Variants in PEAK1 observed in about 807,000 individuals in gnomAD.
The protein encoded by PEAK1 is pseudopodium enriched atypical kinase 1, also known as inactive tyrosine-protein kinase PEAK1.
In PEAK1, 54 loss-of-function variants were observed where a neutral mutation model predicts 124.7. The ratio of observed to expected loss-of-function variants is 0.43; its 90% confidence interval spans 0.35 to 0.54. PEAK1 has a LOEUF of 0.54. PEAK1 is among the 20% of genes least tolerant of loss of function. The pLI is 0.01. For missense variants in PEAK1, 2,046 were observed against 2,134.5 expected (o/e 0.96, Z 0.82); for synonymous variants, 719 against 760.0 (o/e 0.95, Z 0.89).
At chr15:77,156,222 T>A (rs2055133119) in intron 8 of PEAK1, 1 of 155,138 alleles carries the variant, frequency 6.4e-6, no homozygotes. Context: ...TCCCCCAGCC[T>A]CGGTGCTGCA....
At position 77,368,781 on chromosome 15, in the gene PEAK1, A is replaced by G. The variant is rs897918804; in HGVS notation, c.-665-3556T>C. Among the ~76,000 whole-genome samples, 11 of 152,308 alleles carry G rather than the reference A, an allele frequency of 7.2e-5. No homozygotes were observed. The East Asian group carries it at 2.1e-3, about 29-fold the overall frequency. ...TCAGCAGTGAGTGTAGCAATTCAAG[A>G]TACTGGGGACAAGGGATTACGACTA... On this transcript the variant is annotated intron_variant, in intron 1 of 9. Coordinates refer to ENST00000682557, the MANE Select transcript of PEAK1 (RefSeq NM_001385026.1).
chr15:77,123,617 A>C (rs2052113960), intron 9 of PEAK1, among the ~76,000 whole-genome samples: 1 of 152,158 alleles, frequency 6.6e-6, no homozygotes, highest in Non-Finnish European at 1.5e-5. Flanking sequence ...CTATGAGGAT[A>C]TGAGGGATTA....
At chr15:77,402,469 T>C (rs1225958709) in intron 1 of PEAK1, 94 of 983,162 alleles carry the variant, frequency 9.6e-5, no homozygotes, top group Non-Finnish European at 1.1e-4. Flanking sequence ...TAATGTGCCA[T>C]ATTTTCTCAA....
intron 7 of PEAK1, among the ~76,000 whole-genome samples, chr15:77,169,893 C>G (rs1373124932): frequency 1.3e-5 from 2 of 152,002 alleles, no homozygotes; most frequent in East Asian, 3.9e-4. Flanking sequence ...TGTGATGGAA[C>G]AGATTTGTAG....
At chr15:77,228,094 T>A (rs989846029) in intron 6 of PEAK1, among the ~76,000 whole-genome samples, 1 of 152,006 alleles carries the variant, frequency 6.6e-6, no homozygotes, top group Non-Finnish European at 1.5e-5. Flanking sequence ...ATTTTACTAC[T>A]TTTTTATTAT....
At chr15:77,405,929 T>C (rs970879873) in intron 1 of PEAK1, among the ~76,000 whole-genome samples, 1 of 152,336 alleles carries the variant, frequency 6.6e-6, no homozygotes, top group East Asian at 1.9e-4. Flanking sequence ...TTAGAAACCA[T>C]TGTATCTACA....
At chr15:77,347,548 A>G in intron 2 of PEAK1, 1 of 985,400 alleles carries the variant, frequency 1.0e-6, no homozygotes, top group Non-Finnish European at 1.2e-6. Flanking sequence ...ATGAACTCCA[A>G]TCACAAAGGA....
chr15:77,115,556 C>G (rs576663714), intron 9 of PEAK1, among the ~76,000 whole-genome samples: 1 of 152,220 alleles, frequency 6.6e-6, no homozygotes, highest in East Asian at 1.9e-4. Flanking sequence ...CTCACATTAA[C>G]CTTTCACAGT....
chr15:77,346,585 T>A (rs1245391298), intron 2 of PEAK1: 1 of 985,000 alleles, frequency 1.0e-6, no homozygotes, highest in Admixed American at 6.2e-5. Flanking sequence ...TCTCAAGAGG[T>A]TTTTCCCTTC....
chr15:77,350,113 C>T, intron 2 of PEAK1: 3 of 985,402 alleles, frequency 3.0e-6, no homozygotes, highest in Non-Finnish European at 3.6e-6. Flanking sequence ...AAATAGGTCT[C>T]TGTTCAAAGC....
At chr15:77,144,619 T>C (rs2054039025) in intron 8 of PEAK1, among the ~76,000 whole-genome samples, 1 of 152,144 alleles carries the variant, frequency 6.6e-6, no homozygotes, top group Non-Finnish European at 1.5e-5. Context: ...GAAATAAAGA[T>C]AAGTAATGTG....
intron 1 of PEAK1, among the ~76,000 whole-genome samples, chr15:77,394,790 A>T (rs1306414579): frequency 6.6e-6 from 1 of 152,248 alleles, no homozygotes; most frequent in Non-Finnish European, 1.5e-5. Context: ...TAATTAAAAC[A>T]AACTGAATAA....
intron 1 of PEAK1, among the ~76,000 whole-genome samples, chr15:77,375,596 C>T (rs1250393749): frequency 6.6e-6 from 1 of 152,174 alleles, no homozygotes; most frequent in African/African-American, 2.4e-5. Context: ...AGAGCTATCA[C>T]AAAATTCTAT....
chr15:77,158,756 T>G, intron 7 of PEAK1, 60 bp from the exon 8 acceptor site: 1 of 1,526,748 alleles, frequency 6.5e-7, no homozygotes, highest in African/African-American at 1.4e-5. Flanking sequence ...AAATTTAGAT[T>G]TATGGAAGGC....
intron 7 of PEAK1, among the ~76,000 whole-genome samples, chr15:77,173,814 T>A (rs1432630656): frequency 4.6e-5 from 7 of 152,194 alleles, no homozygotes; most frequent in Non-Finnish European, 8.8e-5. Context: ...GCTGGCAAAA[T>A]CCTATTTGTC....
intron 8 of PEAK1, among the ~76,000 whole-genome samples, chr15:77,150,390 G>C (rs2054505545): frequency 6.6e-6 from 1 of 152,072 alleles, no homozygotes; most frequent in South Asian, 2.1e-4. Context: ...TCTTAGGATG[G>C]TTGTGAGGAT....
intron 1 of PEAK1, chr15:77,417,979 T>C: frequency 1.0e-6 from 1 of 970,528 alleles, no homozygotes; most frequent in Non-Finnish European, 1.2e-6. Flanking sequence ...TAAATGTTTA[T>C]ATGAGTACAC....
chr15:77,199,154 C>G (rs2058244100), intron 6 of PEAK1, among the ~76,000 whole-genome samples: 1 of 152,230 alleles, frequency 6.6e-6, no homozygotes, highest in Non-Finnish European at 1.5e-5. Flanking sequence ...AGCTGCCACT[C>G]TTGTTTATAC....
chr15:77,324,287 T>C (rs527916319), intron 2 of PEAK1, among the ~76,000 whole-genome samples: 1 of 152,188 alleles, frequency 6.6e-6, no homozygotes, highest in Non-Finnish European at 1.5e-5. Context: ...GAGACCAGCA[T>C]GGCCCACATG....
Sources: gnomAD v4.1 joint callset for allele counts (sites outside exome capture counted in the v4.1 genomes callset) on GRCh38, gnomAD v4.1.1 for gene constraint, MANE v1.5 for transcripts, NCBI Gene and HGNC (gene_info 2026-07-23, HGNC 2026-07-21) for gene names.